Variants in GABRB3 observed in about 807,000 individuals in gnomAD.
The protein encoded by GABRB3 is gamma-aminobutyric acid receptor subunit beta-3.
A neutral mutation model predicts 52.1 loss-of-function variants in GABRB3; 14 were observed. That is an observed-to-expected ratio of 0.27 (90% CI 0.18 to 0.42). The LOEUF is 0.42. Among genes scored for constraint, GABRB3 ranks in the 10% least tolerant of loss-of-function variants. The probability of loss-of-function intolerance (pLI) is 1.00; values close to 1 mark genes in which losing one functional copy is unlikely to be tolerated. For missense variants in GABRB3, 307 were observed against 609.1 expected (o/e 0.50, Z 5.22); for synonymous variants, 260 against 232.3 (o/e 1.12, Z -1.08).
intron 3 of GABRB3, among the ~76,000 whole-genome samples, chr15:26,748,790 C>T (rs1316905542): frequency 6.6e-6 from 1 of 151,720 alleles, no homozygotes; most frequent in Non-Finnish European, 1.5e-5. Flanking sequence ...CTTTGGGAGG[C>T]CAAGGTGGGC....
chr15:26,582,664 G>A (rs1054890455), intron 5 of GABRB3, among the ~76,000 whole-genome samples: 1 of 152,160 alleles, frequency 6.6e-6, no homozygotes, highest in Non-Finnish European at 1.5e-5. Context: ...TTTCAAGTGG[G>A]ACTGCAAAGT....
chr15:26,711,952 C>T (rs573278583), intron 3 of GABRB3, among the ~76,000 whole-genome samples: 63 of 152,254 alleles, frequency 4.1e-4, no homozygotes, highest in African/African-American at 1.4e-3. Flanking sequence ...ATTTTAGTAT[C>T]GATCTGAGTA....
intron 3 of GABRB3, chr15:26,625,513 G>C: frequency 1.0e-6 from 1 of 984,944 alleles, no homozygotes; most frequent in Non-Finnish European, 1.2e-6. Context: ...GAGTCTGTCA[G>C]AGTTTTGAAT....
At position 26,734,983 on chromosome 15, in the gene GABRB3, C is replaced by T. The variant is rs181378185; in HGVS notation, c.240+37419G>A. On this transcript the variant is annotated intron_variant, in intron 3 of 8. Coordinates refer to ENST00000311550, the MANE Select transcript of GABRB3 (RefSeq NM_000814.6). ...CCCACAAAATGGGAGAAAATGTTTG[C>T]AAGTCATATATCTGATAAAGGATTG... is the stretch of plus-strand genomic sequence containing the variant. Among the ~76,000 whole-genome samples the T allele has an allele frequency of 2.6e-5, 4 of 152,186 alleles. No homozygotes were observed. In the East Asian group the frequency reaches 5.8e-4, roughly 22 times the overall value.
In GABRB3 at chr15:26,559,451, G is replaced by T. The variant is rs530618204; in HGVS notation, c.1080+1481C>A. On this transcript the variant is annotated intron_variant, in intron 8 of 8. Transcript: ENST00000311550. ...TTTCTTTGTAAATTTCCCAGTCTCA[G>T]GTATTCCTTTATAGCAACAGAACAA... 5.3e-4 allele frequency among the ~76,000 whole-genome samples: 80 copies of T among 151,984 alleles called. 1 individual carries two copies. In the Middle Eastern group the frequency reaches 0.014, roughly 26 times the overall value.
intron 4 of GABRB3, among the ~76,000 whole-genome samples, chr15:26,593,782 C>T (rs1296451961): frequency 3.3e-5 from 5 of 151,520 alleles, no homozygotes; most frequent in African/African-American, 1.2e-4. Context: ...TAAACATTGG[C>T]GTAAAAATAT....
At chr15:26,697,909 A>C (rs1888795063) in intron 3 of GABRB3, among the ~76,000 whole-genome samples, 1 of 152,212 alleles carries the variant, frequency 6.6e-6, no homozygotes, top group Non-Finnish European at 1.5e-5. Context: ...AAGAGATGCC[A>C]CCAAATACTT....
rs141751489 is a variant in GABRB3, at chr15:26,619,616, T to C, written c.461+1698A>G. Among the ~76,000 whole-genome samples the C allele has an allele frequency of 9.4e-3, 1,432 of 151,686 alleles. 27 individuals carry two copies. The highest frequency in any genetic ancestry group is 0.033 in the African/African-American group (1,366 of 41,342). ...CGCACTAGCATGGCACATGTATACA[T>C]ATGTAACTAACCTGCACATTATGCA... On this transcript the variant is annotated intron_variant, in intron 4 of 8. Coordinates refer to ENST00000311550, the MANE Select transcript of GABRB3 (RefSeq NM_000814.6).
At chr15:26,718,230 C>T (rs1338787554) in intron 3 of GABRB3, among the ~76,000 whole-genome samples, 2 of 151,694 alleles carry the variant, frequency 1.3e-5, no homozygotes, top group East Asian at 1.9e-4. Flanking sequence ...TTTTTTGGGA[C>T]GGAGTTTTGC....
intron 3 of GABRB3, among the ~76,000 whole-genome samples, chr15:26,687,335 A>T (rs1888437718): frequency 6.6e-6 from 1 of 152,224 alleles, no homozygotes; most frequent in African/African-American, 2.4e-5. Flanking sequence ...AATTTCAAAG[A>T]GCTTTATTAA....
At chr15:26,640,098 A>G (rs1429836647) in intron 3 of GABRB3, among the ~76,000 whole-genome samples, 1 of 152,256 alleles carries the variant, frequency 6.6e-6, no homozygotes, top group Non-Finnish European at 1.5e-5. Flanking sequence ...AAACTTTAGC[A>G]TAACATCTCA....
chr15:26,679,106 G>A (rs374287578), intron 3 of GABRB3, among the ~76,000 whole-genome samples: 10 of 152,146 alleles, frequency 6.6e-5, no homozygotes, highest in Non-Finnish European at 1.0e-4. Flanking sequence ...TATCATTGGC[G>A]ATGAAACCAA....
chr15:26,567,509 C>T, intron 7 of GABRB3, 72 bp downstream of exon 7: 3 of 1,467,420 alleles, frequency 2.0e-6, no homozygotes, highest in South Asian at 1.1e-5. Flanking sequence ...TGAACTACAG[C>T]CTTTGAACTC....
intron 3 of GABRB3, among the ~76,000 whole-genome samples, chr15:26,766,642 TTA>T (rs1891004711): frequency 6.6e-6 from 1 of 151,632 alleles, no homozygotes; most frequent in South Asian, 2.1e-4. Context: ...ACAGAATATT[TTA>T]TCTTTGGAAA....
intron 3 of GABRB3, among the ~76,000 whole-genome samples, chr15:26,746,280 C>T (rs907103993): frequency 6.6e-5 from 10 of 151,954 alleles, no homozygotes; most frequent in African/African-American, 2.4e-5. Flanking sequence ...AATGTCAGTG[C>T]ATATGTTTTG....
rs142718720 is a variant in GABRB3 at position 26,755,396 on chromosome 15, A to C, written c.240+17006T>G. Among the ~76,000 whole-genome samples, 782 of 152,326 alleles carry C rather than the reference A, an allele frequency of 5.1e-3. 4 individuals carry two copies. Among genetic ancestry groups the C allele is most frequent in the African/African-American group, 0.018 (729 of 41,574 alleles). ...AAGATTTACTGCGGAAATTAGAATT[A>C]GTCTGAATGACTAAACCAAAACAAT... On this transcript the variant is annotated intron_variant, in intron 3 of 8. Transcript: ENST00000311550.
rs925435423 is a variant in GABRB3, at chr15:26,586,231, C to T, written c.462-2817G>A. Among the ~76,000 whole-genome samples the T allele has an allele frequency of 1.1e-3, 166 of 152,148 alleles. 2 individuals carry two copies. The highest frequency in any genetic ancestry group is 1.9e-4 in the Non-Finnish European group (13 of 68,004). Reference sequence around the variant, plus strand: ...AGCCAGGATGGTCTCGATCTCCTGACCCCGATCCACCCGCCTTGGTCTCCT... The same window carrying T: ...AGCCAGGATGGTCTCGATCTCCTGATCCCGATCCACCCGCCTTGGTCTCCT... On this transcript the variant is annotated intron_variant, in intron 4 of 8. Transcript: ENST00000311550.
At chr15:26,688,336 CT>C (rs1231518142) in intron 3 of GABRB3, among the ~76,000 whole-genome samples, 3 of 152,222 alleles carry the variant, frequency 2.0e-5, no homozygotes, top group African/African-American at 7.2e-5. Context: ...CCATCACTAG[CT>C]CTATGACCCC....
chr15:26,673,512 A>G (rs1009754637), intron 3 of GABRB3, among the ~76,000 whole-genome samples: 15 of 152,224 alleles, frequency 9.9e-5, no homozygotes, highest in Non-Finnish European at 1.5e-4. Context: ...ATAGTAAGAT[A>G]GAATGGTAAC....
Sources: allele counts gnomAD v4.1 joint callset (sites outside exome capture counted in the v4.1 genomes callset), GRCh38; gene constraint gnomAD v4.1.1; transcripts MANE v1.5; gene names NCBI Gene and HGNC (gene_info 2026-07-23, HGNC 2026-07-21).